WDR19: variants seen among roughly 807,000 people sequenced by gnomAD.
WDR19 encodes WD repeat domain 19, also known as WD repeat-containing protein 19.
A neutral mutation model predicts 180.0 loss-of-function variants in WDR19; 121 were observed. That is an observed-to-expected ratio of 0.67 (90% confidence interval 0.58 to 0.78). WDR19 has a LOEUF of 0.78. Among genes scored for constraint, WDR19 ranks in the 30% least tolerant of loss-of-function variants. The pLI is 0.00. For missense variants in WDR19, 1,450 were observed against 1,640.7 expected, an observed-to-expected ratio of 0.88 and a Z score of 2.01; for synonymous variants, 497 against 540.7, an observed-to-expected ratio of 0.92 and a Z score of 1.12.
intron 33 of WDR19, among the ~76,000 whole-genome samples, chr4:39,275,941 C>T (rs1277579666): frequency 6.6e-6 from 1 of 152,148 alleles, no homozygotes; most frequent in Non-Finnish European, 1.5e-5. Flanking sequence ...AGAAAGCAGT[C>T]AGTAGCCTGG....
intron 4 of WDR19, among the ~76,000 whole-genome samples, chr4:39,193,903 AT>A (rs1490202879): frequency 7.9e-5 from 12 of 152,212 alleles, no homozygotes; most frequent in African/African-American, 2.9e-4. Flanking sequence ...CTGATTTCAA[AT>A]TTTGAGAACC....
chr4:39,216,288 T>G (rs758416242), intron 12 of WDR19, 78 bp downstream of exon 12: 30 of 1,169,570 alleles, frequency 2.6e-5, no homozygotes, highest in Non-Finnish European at 3.4e-5. Flanking sequence ...CAAGTTTCTT[T>G]TAGGACCAAG....
chr4:39,240,177 TAAAAAAAAAAAA>T (rs55876795), intron 20 of WDR19, 88 bp from the exon 21 acceptor site: 20 of 146,880 alleles, frequency 1.4e-4, no homozygotes, highest in Non-Finnish European at 1.8e-4. Context: ...ACCCTGTCTC[TAAAAAAAAAAAA>T]AAAAAAAAAA....
intron 36 of WDR19, among the ~76,000 whole-genome samples, chr4:39,281,236 T>TATATAGAGAGAGAGAGAG (rs762298152): frequency 2.8e-3 from 287 of 103,838 alleles, no homozygotes; most frequent in African/African-American, 4.8e-3. Flanking sequence ...TATATATATA[T>TATATAGAGAGAGAGAGAG]AGAGAGAGAG....
At chr4:39,202,496 G>T (rs972198291) in intron 6 of WDR19, among the ~76,000 whole-genome samples, 20 of 151,914 alleles carry the variant, frequency 1.3e-4, no homozygotes, top group Admixed American at 1.2e-3. Flanking sequence ...ACCTATCAGG[G>T]TGGCAAAATT....
chr4:39,226,900 C>T (rs757416176), intron 15 of WDR19, among the ~76,000 whole-genome samples: 3 of 152,116 alleles, frequency 2.0e-5, no homozygotes, highest in Non-Finnish European at 4.4e-5. Context: ...CCACAATGGT[C>T]GAACAAATTT....
chr4:39,281,302 C>T (rs562806096), intron 36 of WDR19, among the ~76,000 whole-genome samples: 1 of 148,936 alleles, frequency 6.7e-6, no homozygotes, highest in East Asian at 2.0e-4. Context: ...TTTCTGTTTT[C>T]TTCTAGAAGC....
rs1320926706 is a variant in WDR19 at position 39,249,926 on chromosome 4, G to A, written c.2730-3220G>A. ...AATTCTACCAGAGGTACAAGGAGGAGCTGGTACCATTCCTTCTGAAACTAT... is the reference window on the plus strand; with the variant it reads ...AATTCTACCAGAGGTACAAGGAGGAACTGGTACCATTCCTTCTGAAACTAT... On this transcript the variant is annotated intron_variant, in intron 24 of 36. Transcript: ENST00000399820. Among the ~76,000 whole-genome samples, 6 of 152,138 alleles carry A rather than the reference G, an allele frequency of 3.9e-5. No homozygotes were observed. The East Asian group carries it at 9.6e-4, about 24-fold the overall frequency.
chr4:39,184,580 C>T (rs950786169), intron 1 of WDR19, among the ~76,000 whole-genome samples: 2 of 152,010 alleles, frequency 1.3e-5, no homozygotes. Context: ...GATTCTCGTG[C>T]CTCAGCCTCC....
chr4:39,259,799 G>A (rs1001052244), intron 28 of WDR19, among the ~76,000 whole-genome samples: 5 of 152,204 alleles, frequency 3.3e-5, no homozygotes, highest in African/African-American at 1.2e-4. Context: ...CTGAGAAACT[G>A]TCCAACTGTT....
chr4:39,208,558 C>T (rs1728188156), intron 9 of WDR19, among the ~76,000 whole-genome samples: 1 of 152,074 alleles, frequency 6.6e-6, no homozygotes, highest in African/African-American at 2.4e-5. Context: ...CCGCCTTAGC[C>T]TCCCAAAATG....
intron 13 of WDR19, 43 bp downstream of exon 13, chr4:39,217,283 T>C: frequency 1.4e-6 from 2 of 1,412,498 alleles, no homozygotes; most frequent in Middle Eastern, 2.0e-4. Flanking sequence ...TAAGTTATAA[T>C]GAACAGCCTA....
intron 9 of WDR19, among the ~76,000 whole-genome samples, chr4:39,211,771 C>G (rs944171462): frequency 6.6e-6 from 1 of 152,086 alleles, no homozygotes; most frequent in African/African-American, 2.4e-5. Context: ...AAATTAGACC[C>G]AAATAAATAG....
intron 14 of WDR19, among the ~76,000 whole-genome samples, chr4:39,223,104 C>T (rs1211672769): frequency 6.6e-6 from 1 of 152,126 alleles, no homozygotes; most frequent in East Asian, 1.9e-4. Flanking sequence ...GTTTGTTTAA[C>T]ATTTGCCCAT....
chr4:39,232,346 C>T (rs188710460), intron 19 of WDR19, 74 bp downstream of exon 19: 38 of 1,254,214 alleles, frequency 3.0e-5, no homozygotes, highest in Middle Eastern at 2.0e-4. Flanking sequence ...AAAATGGGGC[C>T]GGGTGCAGCC....
chr4:39,261,057 G>A (rs149115075), intron 28 of WDR19, among the ~76,000 whole-genome samples: 2 of 151,692 alleles, frequency 1.3e-5, no homozygotes, highest in South Asian at 4.2e-4. Flanking sequence ...GCAGTGGCAC[G>A]ATCTTGGCTC....
chr4:39,215,102 G>T (rs1728930569), intron 10 of WDR19, among the ~76,000 whole-genome samples: 1 of 152,050 alleles, frequency 6.6e-6, no homozygotes, highest in South Asian at 2.1e-4. Flanking sequence ...CTTCACTAGA[G>T]TTCCCTAAAA....
chr4:39,225,312 C>G (rs1478229611), intron 15 of WDR19, among the ~76,000 whole-genome samples: 1 of 152,184 alleles, frequency 6.6e-6, no homozygotes, highest in Admixed American at 6.5e-5. Flanking sequence ...CATATACTTA[C>G]TGCACAATAC....
At chr4:39,198,226 A>G (rs1398704835) in intron 5 of WDR19, among the ~76,000 whole-genome samples, 1 of 152,164 alleles carries the variant, frequency 6.6e-6, no homozygotes, top group Non-Finnish European at 1.5e-5. Context: ...AGCTGAATAT[A>G]AGTAAAGTTA....
Sources: allele counts gnomAD v4.1 joint callset (sites outside exome capture counted in the v4.1 genomes callset), GRCh38; gene constraint gnomAD v4.1.1; transcripts MANE v1.5; gene names NCBI Gene and HGNC (gene_info 2026-07-23, HGNC 2026-07-21).